The following RANBP3 variants were observed in gnomAD, a reference collection of about 807,000 sequenced individuals.
RANBP3 encodes ran-binding protein 3.
In RANBP3, 14 loss-of-function variants were observed where a neutral mutation model predicts 77.3. The observed-to-expected ratio is 0.18, with a 90% CI of 0.12 to 0.28. RANBP3 has a LOEUF of 0.28. RANBP3 is among the 10% of genes least tolerant of loss of function. The probability of loss-of-function intolerance (pLI) is 1.00; values close to 1 mark genes in which losing one functional copy is unlikely to be tolerated. For synonymous variants in RANBP3, 315 were observed against 312.4 expected (o/e 1.01, Z -0.09); for missense variants, 586 against 752.3 (o/e 0.78, Z 2.59).
intron 1 of RANBP3, among the ~76,000 whole-genome samples, chr19:5,963,060 A>G (rs56061427): frequency 0.51 from 77,373 of 151,988 alleles, 21,013 homozygotes; most frequent in East Asian, 0.7. Flanking sequence ...ACCACTGCAG[A>G]TTTCTAGAGA....
rs763363533 is a variant in RANBP3 at position 5,924,936 on chromosome 19, C to A, written c.918-31G>T. 5 of 1,594,606 alleles carry A rather than the reference C, an allele frequency of 3.1e-6. No individual in the cohort carries two copies. The highest frequency in any genetic ancestry group is 4.3e-6 in the Non-Finnish European group (5 of 1,162,348). ...GAGAAGATGTGCAATGAGTGTGGGGCGTCACGTGGGAACGTGGCCAGGCAA... is the reference window on the plus strand; with the variant it reads ...GAGAAGATGTGCAATGAGTGTGGGGAGTCACGTGGGAACGTGGCCAGGCAA... On this transcript the variant is annotated intron_variant, in intron 10 of 16. Transcript: ENST00000340578. This position sits in a 1 kb window ranked among gnomAD's most constrained non-coding sequence, Gnocchi z 4.7.
chr19:5,943,285 A>C (rs2058163107), intron 3 of RANBP3, among the ~76,000 whole-genome samples: 1 of 152,178 alleles, frequency 6.6e-6, no homozygotes, highest in African/African-American at 2.4e-5. Context: ...GATGCATGTG[A>C]AAGTGCTTTG....
chr19:5,962,676 C>T (rs1275693574), intron 1 of RANBP3: 1 of 456,068 alleles, frequency 2.2e-6, no homozygotes. Flanking sequence ...AGCCACTGCA[C>T]TAACATGTAG....
intron 6 of RANBP3, 79 bp downstream of exon 6, chr19:5,933,335 C>A (rs992198922): frequency 3.1e-5 from 36 of 1,160,352 alleles, no homozygotes; most frequent in Admixed American, 2.5e-5. Context: ...GCTGAGCCCG[C>A]GGTGCCCTGG....
At position 5,949,817 on chromosome 19, in the gene RANBP3, C is replaced by A. The variant is rs2058252753; in HGVS notation, c.282+1576G>T. 2.0e-5 allele frequency among the ~76,000 whole-genome samples: 3 copies of A among 152,146 alleles called. No homozygotes were observed. The South Asian group carries it at 6.2e-4, about 32-fold the overall frequency. ...CGAGGTGAGGCCCCTCCAGACACTC[C>A]AACATGGGCCTCTGTGAGAAGTACG... On this transcript the variant is annotated intron_variant, in intron 3 of 16. Transcript: ENST00000340578.
At chr19:5,938,741 G>C (rs2058096930) in intron 5 of RANBP3, among the ~76,000 whole-genome samples, 1 of 152,134 alleles carries the variant, frequency 6.6e-6, no homozygotes, top group South Asian at 2.1e-4. Context: ...ATTTATCTAG[G>C]TAGGTCTGAG....
At position 5,957,959 on chromosome 19, in the gene RANBP3, C is replaced by A; in HGVS notation, c.37G>T (p.Ala13Ser). 6.2e-7 allele frequency: 1 copy of A among 1,614,194 alleles called. No homozygotes were observed. Among genetic ancestry groups the A allele is most frequent in the Non-Finnish European group, 8.5e-7 (1 of 1,180,028 alleles). ...TTCTGAAACACAAAGACGGGCGGAG[C>A]AATGGCAGGCTTTTCTGCAAAAAGA... ...DLANEEKPAI[A>S]PPVFVFQKDK... Residue 13 changes from alanine to serine, a missense_variant, in exon 2 of 17, where the codon GCT becomes TCT. Physicochemically the swap from Ala to Ser is moderately conservative, Grantham distance 99. Around this residue, in one of 5 missense-constraint regions of RANBP3, gnomAD observed 172 missense variants for 183.4 expected, o/e 0.94. Coordinates refer to ENST00000340578, the MANE Select transcript of RANBP3 (RefSeq NM_007322.3).
intron 1 of RANBP3, among the ~76,000 whole-genome samples, chr19:5,962,522 C>T (rs183541567): frequency 8.5e-5 from 13 of 152,198 alleles, no homozygotes; most frequent in African/African-American, 2.6e-4. Flanking sequence ...TGTCACACGC[C>T]GCAAGGACAA....
At position 5,958,026 on chromosome 19, in the gene RANBP3, A is replaced by G; in HGVS notation, c.23-53T>C. 1 of 1,482,508 alleles carries G rather than the reference A, an allele frequency of 6.7e-7. No individual in the cohort carries two copies. The highest frequency in any genetic ancestry group is 9.4e-7 in the Non-Finnish European group (1 of 1,061,944). The allele number at this position is 1,482,508 out of a possible 1,614,324, so 91.8% of individuals were successfully genotyped here. ...CCCCCAACACTATATGCATACAGTA[A>G]ACAAAGCTACACTTGTTTGTAATAT... On this transcript the variant is annotated intron_variant, in intron 1 of 16. Transcript: ENST00000340578. This position sits in a 1 kb window ranked among gnomAD's most constrained non-coding sequence, Gnocchi z 4.4.
chr19:5,947,935 A>G (rs779240484), intron 3 of RANBP3, among the ~76,000 whole-genome samples: 1 of 152,228 alleles, frequency 6.6e-6, no homozygotes, highest in Non-Finnish European at 1.5e-5. Flanking sequence ...AACAGTGAAA[A>G]TCATGGTTGT....
chr19:5,932,229 G>A (rs184391911), intron 7 of RANBP3, among the ~76,000 whole-genome samples: 29 of 152,346 alleles, frequency 1.9e-4, no homozygotes, highest in African/African-American at 6.5e-4. Flanking sequence ...CGAGAGCTGT[G>A]AGGAAGCTGT....
At chr19:5,932,349 C>T in intron 7 of RANBP3, 103 bp downstream of exon 7, 1 of 833,402 alleles carries the variant, frequency 1.2e-6, no homozygotes, top group South Asian at 1.5e-5. Flanking sequence ...ATTTCTGGTG[C>T]ATTCAGCAGT....
rs550199690 is a variant in RANBP3 at position 5,931,300 on chromosome 19, G to A, written c.693+104C>T. On this transcript the variant is annotated intron_variant, in intron 8 of 16. Transcript: ENST00000340578. ...CAATAGGCCCACGTGGAAACTGCTT[G>A]GAACAGGTGACAGCGTGTGGACTCC... The A allele has an allele frequency of 3.4e-5, 46 of 1,371,924 alleles. No individual in the cohort carries two copies. In the African/African-American group the frequency reaches 6.4e-4, roughly 19 times the overall value. 85.0% of individuals were successfully genotyped at this position (1,371,924 alleles called of 1,614,324 possible).
chr19:5,921,557 A>G lies in RANBP3; in HGVS notation c.1210-236T>C, dbSNP rs1226638146. On this transcript the variant is annotated intron_variant, in intron 13 of 16. Transcript: ENST00000340578. This position sits in a 1 kb window ranked among gnomAD's most constrained non-coding sequence, Gnocchi z 5.3. ...AATGAAAAGCAAAACAACGGTGAGAAGCCTCTCTGCGCACTCTAGGACGGC... is the reference window on the plus strand; with the variant it reads ...AATGAAAAGCAAAACAACGGTGAGAGGCCTCTCTGCGCACTCTAGGACGGC... 6.6e-6 allele frequency among the ~76,000 whole-genome samples: 1 copy of G among 152,262 alleles called. No homozygotes were observed. The highest frequency in any genetic ancestry group is 1.5e-5 in the Non-Finnish European group (1 of 68,048).
intron 1 of RANBP3, among the ~76,000 whole-genome samples, chr19:5,975,610 T>C (rs529562714): frequency 6.7e-5 from 10 of 148,974 alleles, no homozygotes; most frequent in African/African-American, 2.2e-4. Flanking sequence ...TAAAAATCCC[T>C]GACCTCATGG....
At chr19:5,951,346 T>A in intron 3 of RANBP3, 47 bp downstream of exon 3, 1 of 1,508,464 alleles carries the variant, frequency 6.6e-7, no homozygotes, top group Non-Finnish European at 9.0e-7. Context: ...CTGGTCTGGG[T>A]TGGGCTCCCC....
At chr19:5,969,413 T>C (rs1372711051) in intron 1 of RANBP3, among the ~76,000 whole-genome samples, 1 of 152,248 alleles carries the variant, frequency 6.6e-6, no homozygotes, top group Admixed American at 6.5e-5. Flanking sequence ...CAAAATTCTC[T>C]GTGGCAAACC....
intron 1 of RANBP3, among the ~76,000 whole-genome samples, chr19:5,972,575 C>T (rs1379998421): frequency 1.3e-5 from 2 of 152,216 alleles, no homozygotes; most frequent in East Asian, 3.9e-4. Context: ...AAATGCCCAG[C>T]CAAGCCAATA....
In RANBP3 at chr19:5,918,642, C is replaced by A. The variant is rs1216657352; in HGVS notation, c.1331-4G>T. On this transcript the variant is annotated splice_region_variant and splice_polypyrimidine_tract_variant and intron_variant, in intron 14 of 16. Transcript: ENST00000340578. Reference sequence around the variant, plus strand: ...AGGCTCCCCTGGGTCCGCATCACTACAACCAACAAGGCCACTCAGCCCTGG... The same window carrying A: ...AGGCTCCCCTGGGTCCGCATCACTAAAACCAACAAGGCCACTCAGCCCTGG... The A allele has an allele frequency of 6.2e-7, 1 of 1,613,446 alleles. No individual in the cohort carries two copies. Among genetic ancestry groups the A allele is most frequent in the South Asian group, 1.1e-5 (1 of 91,086 alleles).
Sources: gnomAD v4.1 joint callset for allele counts (sites outside exome capture counted in the v4.1 genomes callset) on GRCh38, gnomAD v4.1.1 for gene constraint, gnomAD v4.1.1 regional missense constraint, Gnocchi (gnomAD v3.1) non-coding constraint, MANE v1.5 for transcripts, NCBI Gene and HGNC (gene_info 2026-07-23, HGNC 2026-07-21) for gene names.